The following TMEM106B variants were observed in gnomAD, a reference collection of about 807,000 sequenced individuals.
TMEM106B encodes the protein transmembrane protein 106B.
In TMEM106B, 15 loss-of-function variants were observed where a neutral mutation model predicts 31.1. That is an observed-to-expected ratio of 0.48 (90% CI 0.32 to 0.74). The LOEUF is 0.74. Among genes scored for constraint, TMEM106B ranks in the 30% least tolerant of loss-of-function variants. The pLI is 0.03. For missense variants in TMEM106B, 283 were observed against 327.3 expected, an observed-to-expected ratio of 0.86 and a Z score of 1.04; for synonymous variants, 126 against 112.5, an observed-to-expected ratio of 1.12 and a Z score of -0.76.
rs1372904811 is a variant in TMEM106B at position 12,214,981 on chromosome 7, T to C, written c.171T>C (p.Asp57=). The change falls in exon 2 of 8, where the codon GAT becomes GAC. Residue 57 remains aspartate, a synonymous_variant. Transcript: ENST00000396668. ...CATATGTGGAATTTACAGGAAGAGA[T>C]AGTGTCACCTGCCCTACTTGTCAGG... is the stretch of plus-strand genomic sequence containing the variant. The part of the protein sequence containing the change: ...QFPYVEFTGR[D]SVTCPTCQGT... 6.2e-7 allele frequency: 1 copy of C among 1,613,906 alleles called. No homozygotes were observed. Among genetic ancestry groups the C allele is most frequent in the Non-Finnish European group, 8.5e-7 (1 of 1,179,942 alleles).
Position 12,232,100 on chromosome 7 carries a change from C to A in TMEM106B, c.*125C>A. ...CCTAAAGTTTACACTTCTAAGAGTA[C>A]AGTTAAAAGTATGTGGACCTGCAGT... On this transcript the variant is annotated 3_prime_UTR_variant, in exon 8 of 8. Coordinates refer to ENST00000396668, the MANE Select transcript of TMEM106B (RefSeq NM_001134232.2). 1.2e-6 allele frequency: 1 copy of A among 848,288 alleles called. No individual in the cohort carries two copies. The highest frequency in any genetic ancestry group is 1.7e-6 in the Non-Finnish European group (1 of 579,062). 52.5% of individuals were successfully genotyped at this position (848,288 alleles called of 1,614,324 possible). A position where few individuals can be genotyped will look rare whatever the true frequency, so the allele number is the denominator to read the frequency against.
At chr7:12,231,499 T>C in intron 7 of TMEM106B, 1 of 254,482 alleles carries the variant, frequency 3.9e-6, no homozygotes. Context: ...GTTTGGTGTT[T>C]TGACCATTAG....
chr7:12,221,664 G>C (rs1350739685), intron 3 of TMEM106B, among the ~76,000 whole-genome samples: 1 of 152,196 alleles, frequency 6.6e-6, no homozygotes, highest in Non-Finnish European at 1.5e-5. Flanking sequence ...GATTGTACCA[G>C]CTTACTGTCT....
intron 4 of TMEM106B, 37 bp from the exon 5 acceptor site, chr7:12,229,642 A>G: frequency 7.2e-7 from 1 of 1,398,222 alleles, no homozygotes; most frequent in Non-Finnish European, 9.6e-7. Context: ...GTATATTTTT[A>G]GCTAACTTGT....
chr7:12,230,611 G>A (rs961397326), intron 6 of TMEM106B, 173 bp downstream of exon 6: 65 of 458,586 alleles, frequency 1.4e-4, no homozygotes, highest in African/African-American at 1.2e-3. Flanking sequence ...TAATATTCAT[G>A]TATATATACA....
rs1157624738 is a variant in TMEM106B, at chr7:12,234,446, C to T, written c.*2471C>T. ...CTTTCAGAGAGAGTTAAGTAACTGT[C>T]AGAATAAGCCTGGAACAAAACAGGC... is the stretch of plus-strand genomic sequence containing the variant. On this transcript the variant is annotated 3_prime_UTR_variant, in exon 8 of 8. Coordinates refer to ENST00000396668, the MANE Select transcript of TMEM106B (RefSeq NM_001134232.2). The T allele has an allele frequency of 6.6e-6, 1 of 151,726 alleles. No individual in the cohort carries two copies. The highest frequency in any genetic ancestry group is 2.4e-5 in the African/African-American group (1 of 41,378). 9.4% of individuals were successfully genotyped at this position (151,726 alleles called of 1,614,324 possible).
At chr7:12,231,425 A>T (rs1782020412) in intron 7 of TMEM106B, 1 of 279,678 alleles carries the variant, frequency 3.6e-6, no homozygotes, top group African/African-American at 2.2e-5. Context: ...ATTAACAGTA[A>T]TAAGAATATT....
At chr7:12,230,255 A>G (rs1781993420) in intron 5 of TMEM106B, 134 bp from the exon 6 acceptor site, 8 of 738,412 alleles carry the variant, frequency 1.1e-5, no homozygotes, top group South Asian at 9.1e-5. Context: ...TCTTATACAC[A>G]TACAAGATGA....
intron 2 of TMEM106B, among the ~76,000 whole-genome samples, chr7:12,217,042 G>A (rs918219102): frequency 4.0e-5 from 6 of 151,380 alleles, no homozygotes; most frequent in African/African-American, 1.5e-4. Context: ...TTTTTTCTTT[G>A]TAAGATAGAG....
intron 5 of TMEM106B, 87 bp downstream of exon 5, chr7:12,229,906 C>T: frequency 7.2e-7 from 1 of 1,398,084 alleles, no homozygotes; most frequent in South Asian, 1.4e-5. Context: ...GGGGGATTTC[C>T]TCAAAAACTT....
chr7:12,218,119 A>C (rs1038123667), intron 2 of TMEM106B, among the ~76,000 whole-genome samples: 1 of 152,162 alleles, frequency 6.6e-6, no homozygotes, highest in Non-Finnish European at 1.5e-5. Flanking sequence ...CCAGACAACC[A>C]AATCAGAGTC....
At chr7:12,224,992 T>C (rs188086891) in intron 4 of TMEM106B, among the ~76,000 whole-genome samples, 114 of 152,238 alleles carry the variant, frequency 7.5e-4, no homozygotes, top group African/African-American at 2.6e-3. Context: ...ACTTTAGGTA[T>C]TTCTCCTAAT....
chr7:12,232,697 C>A lies in TMEM106B; in HGVS notation c.*722C>A, dbSNP rs1428770595. Reference sequence around the variant, plus strand: ...TCTTCAAACATTATCATTTAATGTACAATACTGTAAATAAACTGTGCATGG... The same window carrying A: ...TCTTCAAACATTATCATTTAATGTAAAATACTGTAAATAAACTGTGCATGG... On this transcript the variant is annotated 3_prime_UTR_variant, in exon 8 of 8. Transcript: ENST00000396668. 6.6e-6 allele frequency: 1 copy of A among 152,118 alleles called. No individual in the cohort carries two copies. The highest frequency in any genetic ancestry group is 2.4e-5 in the African/African-American group (1 of 41,342). The allele number at this position is 152,118 out of a possible 1,614,324, so 9.4% of individuals were successfully genotyped here. A position where few individuals can be genotyped will look rare whatever the true frequency, so the allele number is the denominator to read the frequency against.
chr7:12,228,303 C>T (rs1323046041), intron 4 of TMEM106B, among the ~76,000 whole-genome samples: 1 of 151,740 alleles, frequency 6.6e-6, no homozygotes, highest in East Asian at 1.9e-4. Context: ...CTTTTCATAT[C>T]TTTCTACATA....
intron 4 of TMEM106B, among the ~76,000 whole-genome samples, chr7:12,224,701 T>A (rs538641236): frequency 1.6e-4 from 24 of 152,344 alleles, no homozygotes; most frequent in African/African-American, 5.8e-4. Context: ...TCTAGCAAAG[T>A]GTTGACATAG....
chr7:12,226,362 C>A (rs6966915), intron 4 of TMEM106B, among the ~76,000 whole-genome samples: 4 of 151,858 alleles, frequency 2.6e-5, no homozygotes, highest in African/African-American at 9.7e-5. Context: ...TTGAAAGGAC[C>A]GTGTAGCCTT....
chr7:12,221,992 G>C (rs1029563495), intron 3 of TMEM106B, among the ~76,000 whole-genome samples: 1 of 152,132 alleles, frequency 6.6e-6, no homozygotes, highest in Non-Finnish European at 1.5e-5. Flanking sequence ...AATATTTTGG[G>C]AACAACTTTG....
In TMEM106B at chr7:12,242,235, C is replaced by T. The variant is rs1185567636; in HGVS notation, c.*10260C>T. On this transcript the variant is annotated 3_prime_UTR_variant, in exon 8 of 8. Transcript: ENST00000396668. ...AAAAATACAAAAAATTAGCCGGGCG[C>T]GGTGGCGGGCGCCTGTAGTCCCAGC... 9.6e-5 allele frequency: 9 copies of T among 94,010 alleles called. 2 individuals are homozygous for T. Among genetic ancestry groups the T allele is most frequent in the African/African-American group, 3.1e-4 (5 of 16,280 alleles). The allele number at this position is 94,010 out of a possible 1,614,324, so 5.8% of individuals were successfully genotyped here.
At chr7:12,220,327 C>A (rs1781763283) in intron 3 of TMEM106B, among the ~76,000 whole-genome samples, 1 of 152,008 alleles carries the variant, frequency 6.6e-6, no homozygotes, top group Admixed American at 6.6e-5. Flanking sequence ...GAAGACAAAA[C>A]CTTAACTGAA....
Sources: gnomAD v4.1 joint callset for allele counts (sites outside exome capture counted in the v4.1 genomes callset) on GRCh38, gnomAD v4.1.1 for gene constraint, MANE v1.5 for transcripts, NCBI Gene and HGNC (gene_info 2026-07-23, HGNC 2026-07-21) for gene names.